The following LRP1B variants were observed in gnomAD, a reference collection of about 807,000 sequenced individuals.
The protein encoded by LRP1B is LDL receptor related protein 1B, also known as low-density lipoprotein receptor-related protein 1B.
LRP1B carries 217 observed loss-of-function variants against 556.6 expected under a neutral mutation model. The observed-to-expected ratio is 0.39, with a 90% CI of 0.35 to 0.44. The LOEUF (loss-of-function observed/expected upper bound fraction) is 0.44, where lower values mean the gene tolerates loss of function less well. LRP1B is among the 20% of genes least tolerant of loss of function. The pLI, the probability that LRP1B is intolerant of heterozygous loss-of-function variation, is 1.00. For missense variants in LRP1B, 5,053 were observed against 5,620.8 expected (o/e 0.90, Z 3.23); for synonymous variants, 2,047 against 1,865.8 (o/e 1.10, Z -2.50).
chr2:140,995,018 G>C (rs778979226), intron 15 of LRP1B, among the ~76,000 whole-genome samples: 4 of 151,934 alleles, frequency 2.6e-5, no homozygotes, highest in African/African-American at 4.8e-5. Flanking sequence ...AAGTGAAGGG[G>C]AAAAAGCACT....
chr2:142,106,873 T>C (rs1036684500), intron 1 of LRP1B, among the ~76,000 whole-genome samples: 1 of 152,180 alleles, frequency 6.6e-6, no homozygotes, highest in Non-Finnish European at 1.5e-5. Flanking sequence ...CATTTTTATG[T>C]GATCACATGT....
chr2:141,795,857 A>AATATATATATATAT lies in LRP1B; in HGVS notation c.205+14408_205+14421dup, dbSNP rs1198211801. Among the ~76,000 whole-genome samples, 57 of 51,540 alleles carry AATATATATATATAT rather than the reference A, an allele frequency of 1.1e-3. 2 individuals are homozygous for AATATATATATATAT. Among genetic ancestry groups the AATATATATATATAT allele is most frequent in the East Asian group, 3.3e-3 (4 of 1,204 alleles). The allele number at this position is 51,540 out of a possible 152,430, so 33.8% of individuals were successfully genotyped here. Reference sequence around the variant, plus strand: ...GAAATAGAGAATGAAAACCAGGAGCAATATATATATATATATATATATATA... The same window carrying AATATATATATATAT: ...GAAATAGAGAATGAAAACCAGGAGCAATATATATATATATATATATATATATATATATATATATA... On this transcript the variant is annotated intron_variant, in intron 2 of 90. Coordinates refer to ENST00000389484, the MANE Select transcript of LRP1B (RefSeq NM_018557.3).
intron 3 of LRP1B, among the ~76,000 whole-genome samples, chr2:141,393,734 A>C (rs774794424): frequency 6.6e-6 from 1 of 152,134 alleles, no homozygotes; most frequent in Non-Finnish European, 1.5e-5. Context: ...AAAAGCAACA[A>C]CAGAATAACA....
At position 140,973,201 on chromosome 2, in the gene LRP1B, C is replaced by T. The variant is rs185327730; in HGVS notation, c.2887+8959G>A. On this transcript the variant is annotated intron_variant, in intron 18 of 90. Coordinates refer to ENST00000389484, the MANE Select transcript of LRP1B (RefSeq NM_018557.3). ...AGGTAGAAGAGTAGTTGATTCATAA[C>T]TATAGCTACAGAATTCTAATTATTA... Among the ~76,000 whole-genome samples, 165 of 151,560 alleles carry T rather than the reference C, an allele frequency of 1.1e-3. 1 individual carries two copies. Among genetic ancestry groups the T allele is most frequent in the Non-Finnish European group, 1.7e-3 (116 of 67,842 alleles).
chr2:141,450,893 A>C (rs1279944017), intron 3 of LRP1B, among the ~76,000 whole-genome samples: 1 of 152,170 alleles, frequency 6.6e-6, no homozygotes, highest in East Asian at 1.9e-4. Flanking sequence ...CCTAGGGTCG[A>C]AGTATTTTAA....
chr2:141,518,658 GGAGA>G (rs1485351142), intron 2 of LRP1B, among the ~76,000 whole-genome samples: 1 of 152,082 alleles, frequency 6.6e-6, no homozygotes, highest in African/African-American at 2.4e-5. Flanking sequence ...AATAAAAGAG[GGAGA>G]GAGAGGCCGG....
Position 141,039,993 on chromosome 2 carries a change from A to G in LRP1B, c.1789+8993T>C, listed in dbSNP as rs1698649220. On this transcript the variant is annotated intron_variant, in intron 11 of 90. Transcript: ENST00000389484. Reference sequence around the variant, plus strand: ...CTATGAAAATGTCTTATTCACTGTCAACAGGAGTCAGTATGTGCAAACAGG... The same window carrying G: ...CTATGAAAATGTCTTATTCACTGTCGACAGGAGTCAGTATGTGCAAACAGG... 2.0e-5 allele frequency among the ~76,000 whole-genome samples: 3 copies of G among 152,138 alleles called. No individual in the cohort carries two copies. The South Asian group carries it at 6.2e-4, about 31-fold the overall frequency.
intron 52 of LRP1B, among the ~76,000 whole-genome samples, chr2:140,509,035 TTAAC>T (rs149314058): frequency 0.038 from 5,658 of 150,844 alleles, 296 homozygotes; most frequent in East Asian, 0.14. Flanking sequence ...CTTTTCTACT[TTAAC>T]TATTCCTCAC....
intron 3 of LRP1B, among the ~76,000 whole-genome samples, chr2:141,359,569 A>G (rs900281765): frequency 2.6e-5 from 4 of 152,156 alleles, no homozygotes; most frequent in African/African-American, 7.2e-5. Flanking sequence ...CAGCCTGGGC[A>G]AGATGGTGAA....
At chr2:140,951,294 T>C (rs1695707515) in intron 19 of LRP1B, among the ~76,000 whole-genome samples, 1 of 152,130 alleles carries the variant, frequency 6.6e-6, no homozygotes, top group Non-Finnish European at 1.5e-5. Flanking sequence ...TTATATTCTT[T>C]ATTAACAACC....
intron 41 of LRP1B, among the ~76,000 whole-genome samples, chr2:140,668,947 G>A (rs1215872541): frequency 3.3e-5 from 5 of 152,170 alleles, no homozygotes; most frequent in Non-Finnish European, 2.9e-5. Context: ...GATAATGAAA[G>A]GATGAGAAAT....
chr2:141,119,716 T>TTGTGTGTG (rs138710668), intron 7 of LRP1B, among the ~76,000 whole-genome samples: 33,932 of 149,362 alleles, frequency 0.23, 4,244 homozygotes, highest in East Asian at 0.5. Context: ...ACCCAAGAGG[T>TTGTGTGTG]TGTGTGTGTG....
intron 41 of LRP1B, among the ~76,000 whole-genome samples, chr2:140,606,021 G>C (rs1055711677): frequency 3.8e-4 from 57 of 151,762 alleles, no homozygotes; most frequent in African/African-American, 1.4e-3. Context: ...TTGGGGGTGG[G>C]GTAAAGAGAG....
intron 2 of LRP1B, among the ~76,000 whole-genome samples, chr2:141,637,824 T>C (rs1428647275): frequency 6.6e-6 from 1 of 152,160 alleles, no homozygotes; most frequent in Admixed American, 6.6e-5. Context: ...GTGGGAGATA[T>C]GAATCATGGG....
intron 84 of LRP1B, among the ~76,000 whole-genome samples, chr2:140,296,197 G>A (rs1213534055): frequency 6.6e-6 from 1 of 152,172 alleles, no homozygotes; most frequent in Non-Finnish European, 1.5e-5. Context: ...CTCCCGTAAT[G>A]AGGGCAGAAG....
intron 2 of LRP1B, among the ~76,000 whole-genome samples, chr2:141,642,004 C>CA (rs199556947): frequency 3.6e-5 from 5 of 139,454 alleles, no homozygotes; most frequent in Non-Finnish European, 8.1e-5. Context: ...AACAAACAAA[C>CA]AAAACCCCCC....
chr2:141,112,059 T>C (rs1040562205), intron 7 of LRP1B, among the ~76,000 whole-genome samples: 1 of 95,868 alleles, frequency 1.0e-5, no homozygotes, highest in Admixed American at 1.3e-4. Flanking sequence ...AATAAATAAA[T>C]AAATAAATAA....
At chr2:140,257,818 C>T (rs1260067093) in intron 86 of LRP1B, among the ~76,000 whole-genome samples, 1 of 152,072 alleles carries the variant, frequency 6.6e-6, no homozygotes, top group Non-Finnish European at 1.5e-5. Context: ...GCTCAATATC[C>T]CTGCCGAAAA....
intron 3 of LRP1B, among the ~76,000 whole-genome samples, chr2:141,272,162 G>A (rs1685113964): frequency 6.6e-6 from 1 of 151,948 alleles, no homozygotes; most frequent in African/African-American, 2.4e-5. Context: ...GACTTAATAT[G>A]TATAACAATA....
Sources: gnomAD v4.1 joint callset for allele counts (sites outside exome capture counted in the v4.1 genomes callset) on GRCh38, gnomAD v4.1.1 for gene constraint, MANE v1.5 for transcripts, NCBI Gene and HGNC (gene_info 2026-07-23, HGNC 2026-07-21) for gene names.